PTDSS1: variants seen among roughly 807,000 people sequenced by gnomAD.
PTDSS1 encodes phosphatidylserine synthase 1.
In PTDSS1, 45 loss-of-function variants were observed where a neutral mutation model predicts 70.5. The observed-to-expected ratio is 0.64, with a 90% CI of 0.50 to 0.82. PTDSS1 has a LOEUF of 0.82. Ranked by LOEUF, PTDSS1 falls within the 40% of genes least tolerant of loss-of-function variation. PTDSS1 has a pLI of 0.00. For missense variants in PTDSS1, 417 were observed against 586.1 expected, an observed-to-expected ratio of 0.71 and a Z score of 2.98; for synonymous variants, 188 against 203.8, an observed-to-expected ratio of 0.92 and a Z score of 0.66.
chr8:96,331,009 C>T lies in PTDSS1; in HGVS notation c.1243-17C>T, dbSNP rs1216150153. 1.2e-6 allele frequency: 2 copies of T among 1,606,508 alleles called. No individual in the cohort carries two copies. Among genetic ancestry groups the T allele is most frequent in the East Asian group, 2.2e-5 (1 of 44,808 alleles). On this transcript the variant is annotated splice_polypyrimidine_tract_variant and intron_variant, in intron 11 of 12. Transcript: ENST00000517309. Reference sequence around the variant, plus strand: ...GAGTTCCTAAAATTCCTGCACTAAGCCTGTCTCTCTCCCTAGACCTACTCG... The same window carrying T: ...GAGTTCCTAAAATTCCTGCACTAAGTCTGTCTCTCTCCCTAGACCTACTCG...
chr8:96,269,269 C>T (rs1358962873), intron 1 of PTDSS1, among the ~76,000 whole-genome samples: 1 of 152,130 alleles, frequency 6.6e-6, no homozygotes, highest in Non-Finnish European at 1.5e-5. Flanking sequence ...GCAAGATAAA[C>T]CAAGAGCTTA....
rs767237143 is a variant in PTDSS1, at chr8:96,287,070, A to G, written c.365A>G (p.Asn122Ser). The change falls in exon 4 of 13, where the codon AAT (asparagine) becomes AGT (serine). Residue 122 changes from asparagine to serine, a missense_variant. By Grantham distance (46) the Asn-to-Ser change is conservative (BLOSUM62 1). Transcript: ENST00000517309. ...TTCCTGGTATTCCTACTCTTCCTGA[A>G]TTTCGAGCAGGTTAAATCTCTAATG... ...FLFLVFLLFL[N>S]FEQVKSLMYW... 6.2e-7 allele frequency: 1 copy of G among 1,613,996 alleles called. No individual in the cohort carries two copies. The highest frequency in any genetic ancestry group is 1.1e-5 in the South Asian group (1 of 91,084).
intron 10 of PTDSS1, among the ~76,000 whole-genome samples, chr8:96,322,896 T>C (rs1038658885): frequency 1.2e-4 from 18 of 152,102 alleles, no homozygotes; most frequent in African/African-American, 4.1e-4. Context: ...AAGGTCCACT[T>C]GAGCCACAGC....
chr8:96,316,994 A>AAT (rs545890811), intron 9 of PTDSS1, among the ~76,000 whole-genome samples: 2,332 of 147,696 alleles, frequency 0.016, 45 homozygotes, highest in African/African-American at 0.052. Flanking sequence ...ACTCCGTCTA[A>AAT]ATATATATAT....
At chr8:96,266,290 T>A (rs1280636258) in intron 1 of PTDSS1, among the ~76,000 whole-genome samples, 1 of 152,272 alleles carries the variant, frequency 6.6e-6, no homozygotes, top group Non-Finnish European at 1.5e-5. Flanking sequence ...ATTTGTGTAC[T>A]TAAGTGATCA....
At chr8:96,301,996 A>G (rs771927513) in intron 6 of PTDSS1, among the ~76,000 whole-genome samples, 1 of 152,056 alleles carries the variant, frequency 6.6e-6, no homozygotes, top group Non-Finnish European at 1.5e-5. Context: ...ACTTTTTAAT[A>G]TATTTAATTT....
intron 2 of PTDSS1, among the ~76,000 whole-genome samples, chr8:96,282,642 A>G (rs966636464): frequency 3.9e-5 from 6 of 152,200 alleles, no homozygotes; most frequent in African/African-American, 7.2e-5. Context: ...CTTGTAACTG[A>G]TTTTCATAAT....
intron 4 of PTDSS1, among the ~76,000 whole-genome samples, chr8:96,293,111 C>T (rs575699166): frequency 1.7e-4 from 26 of 152,282 alleles, no homozygotes; most frequent in African/African-American, 5.5e-4. Flanking sequence ...ATGCACGTTC[C>T]GTGATCTGAT....
chr8:96,276,972 ACGCGCGCG>A (rs377294157), intron 2 of PTDSS1, among the ~76,000 whole-genome samples: 19 of 129,748 alleles, frequency 1.5e-4, no homozygotes, highest in South Asian at 5.1e-4. Context: ...ACACGCGCGC[ACGCGCGCG>A]CACACACACA....
intron 9 of PTDSS1, among the ~76,000 whole-genome samples, chr8:96,310,707 C>T (rs966294475): frequency 1.3e-5 from 2 of 151,998 alleles, no homozygotes; most frequent in Admixed American, 1.3e-4. Context: ...TTTATTGTTC[C>T]AAAGAGTACT....
chr8:96,327,248 C>T (rs1811450527), intron 10 of PTDSS1, among the ~76,000 whole-genome samples: 2 of 152,140 alleles, frequency 1.3e-5, no homozygotes, highest in South Asian at 4.1e-4. Context: ...GCTCAGGGAA[C>T]ATGCCTCTGG....
intron 2 of PTDSS1, among the ~76,000 whole-genome samples, chr8:96,279,105 G>C (rs1469933762): frequency 6.6e-6 from 1 of 151,236 alleles, no homozygotes; most frequent in Non-Finnish European, 1.5e-5. Flanking sequence ...TGAGTAGCTG[G>C]GATTACAGGT....
chr8:96,275,513 A>G (rs866404113), intron 2 of PTDSS1, among the ~76,000 whole-genome samples: 1 of 151,984 alleles, frequency 6.6e-6, no homozygotes, highest in Non-Finnish European at 1.5e-5. Flanking sequence ...CTTCCCTCTC[A>G]TTGAATTTTA....
intron 8 of PTDSS1, 111 bp from the exon 9 acceptor site, chr8:96,309,446 C>G: frequency 2.3e-6 from 2 of 877,738 alleles, no homozygotes; most frequent in Non-Finnish European, 1.9e-6. Flanking sequence ...GACCAGGCAG[C>G]CTGACATGGG....
rs1176153953 is a variant in PTDSS1 at position 96,306,635 on chromosome 8, T to C, written c.1007+79T>C. The C allele has an allele frequency of 1.5e-5, 16 of 1,082,086 alleles. No homozygotes were observed. The South Asian group carries it at 1.6e-4, about 11-fold the overall frequency. 67.0% of individuals were successfully genotyped at this position (1,082,086 alleles called of 1,614,324 possible). ...GTCCTGTTTAGCATAAGGAAAGTCATATAAACTAGCAGATTTTCCATGAAA... is the reference window on the plus strand; with the variant it reads ...GTCCTGTTTAGCATAAGGAAAGTCACATAAACTAGCAGATTTTCCATGAAA... On this transcript the variant is annotated intron_variant, in intron 8 of 12. Coordinates refer to ENST00000517309, the MANE Select transcript of PTDSS1 (RefSeq NM_014754.3).
intron 4 of PTDSS1, among the ~76,000 whole-genome samples, chr8:96,294,537 A>C (rs1289229926): frequency 2.6e-5 from 4 of 152,014 alleles, no homozygotes; most frequent in African/African-American, 9.7e-5. Flanking sequence ...ATTTTTGGGG[A>C]GGGGAGTTCT....
In PTDSS1 at chr8:96,273,244, A is replaced by C. The variant is rs1810591524; in HGVS notation, c.180-55A>C. On this transcript the variant is annotated intron_variant, in intron 1 of 12. Coordinates refer to ENST00000517309, the MANE Select transcript of PTDSS1 (RefSeq NM_014754.3). ...AGAACATGGAAATCTTCCTTCCTCTAGGTTTTCTATTTGGATCTGAAAGTA... is the reference window on the plus strand; with the variant it reads ...AGAACATGGAAATCTTCCTTCCTCTCGGTTTTCTATTTGGATCTGAAAGTA... 2.3e-6 allele frequency: 3 copies of C among 1,306,126 alleles called. No individual in the cohort carries two copies. In the Admixed American group the frequency reaches 7.4e-5, roughly 32 times the overall value. The allele number at this position is 1,306,126 out of a possible 1,614,324, so 80.9% of individuals were successfully genotyped here.
At chr8:96,275,509 T>C (rs1303155322) in intron 2 of PTDSS1, among the ~76,000 whole-genome samples, 1 of 152,150 alleles carries the variant, frequency 6.6e-6, no homozygotes. Context: ...TTCCCTTCCC[T>C]CTCATTGAAT....
intron 6 of PTDSS1, among the ~76,000 whole-genome samples, 187 bp from the exon 7 acceptor site, chr8:96,303,853 T>C (rs926529852): frequency 9.2e-5 from 14 of 152,212 alleles, no homozygotes; most frequent in African/African-American, 3.4e-4. Context: ...GATTCCTCAT[T>C]GAGTGTGCTT....
Sources: gnomAD v4.1 joint callset for allele counts (sites outside exome capture counted in the v4.1 genomes callset) on GRCh38, gnomAD v4.1.1 for gene constraint, MANE v1.5 for transcripts, NCBI Gene and HGNC (gene_info 2026-07-23, HGNC 2026-07-21) for gene names.